Variants in PSMD12 observed in about 807,000 individuals in gnomAD.
PSMD12 encodes 26S proteasome non-ATPase regulatory subunit 12.
In PSMD12, 8 loss-of-function variants were observed where a neutral mutation model predicts 62.9. The observed-to-expected ratio is 0.13, with a 90% CI of 0.07 to 0.23. PSMD12 has a LOEUF of 0.23. Among genes scored for constraint, PSMD12 ranks in the 10% least tolerant of loss-of-function variants. The probability of loss-of-function intolerance (pLI) is 1.00; values close to 1 mark genes in which losing one functional copy is unlikely to be tolerated. For missense variants in PSMD12, 424 were observed against 550.2 expected (o/e 0.77, Z 2.29); for synonymous variants, 173 against 187.4 (o/e 0.92, Z 0.63).
At chr17:67,344,141 A>G (rs1173065737) in intron 9 of PSMD12, among the ~76,000 whole-genome samples, 1 of 152,210 alleles carries the variant, frequency 6.6e-6, no homozygotes, top group Non-Finnish European at 1.5e-5. Flanking sequence ...TGATACTAAA[A>G]AGATCAAAGT....
intron 3 of PSMD12, among the ~76,000 whole-genome samples, chr17:67,354,505 G>C (rs2042048823): frequency 6.6e-6 from 1 of 152,004 alleles, no homozygotes; most frequent in South Asian, 2.1e-4. Flanking sequence ...TGTGTGCTTT[G>C]AATTGTCCTA....
intron 8 of PSMD12, 188 bp downstream of exon 8, chr17:67,345,557 A>C: frequency 3.7e-6 from 2 of 534,684 alleles, no homozygotes; most frequent in Middle Eastern, 5.3e-4. Flanking sequence ...CAGAAGAATC[A>C]CTTGAACCCA....
At position 67,344,708 on chromosome 17, in the gene PSMD12, T is replaced by C. The variant is rs2143688784; in HGVS notation, c.981A>G (p.Glu327=). 1.2e-6 allele frequency: 2 copies of C among 1,613,848 alleles called. No individual in the cohort carries two copies. Among genetic ancestry groups the C allele is most frequent in the Non-Finnish European group, 1.7e-6 (2 of 1,179,806 alleles). Reference sequence around the variant, plus strand: ...GACTCTCAAGGGAACCTTTTCTTAATTCCATTCCATAGTCCTCAACAAGTG... The same window carrying C: ...GACTCTCAAGGGAACCTTTTCTTAACTCCATTCCATAGTCCTCAACAAGTG... ...WSTLVEDYGM[E]LRKGSLESPA... Residue 327 remains glutamate, a synonymous_variant, in exon 9 of 11, where the codon GAA becomes GAG. Coordinates refer to ENST00000356126, the MANE Select transcript of PSMD12 (RefSeq NM_002816.5).
chr17:67,357,240 C>G (rs898507353), intron 3 of PSMD12, 63 bp downstream of exon 3: 82 of 1,534,464 alleles, frequency 5.3e-5, no homozygotes, highest in Non-Finnish European at 6.9e-5. Context: ...TATAGAAGAG[C>G]TTGTGAAAAG....
At chr17:67,352,322 T>C (rs1717725317) in intron 3 of PSMD12, among the ~76,000 whole-genome samples, 1 of 152,146 alleles carries the variant, frequency 6.6e-6, no homozygotes, top group South Asian at 2.1e-4. Flanking sequence ...GTGCACCTAC[T>C]GTTTAACTTC....
At chr17:67,342,415 A>T (rs2041923608) in intron 9 of PSMD12, 152 bp from the exon 10 acceptor site, 1 of 532,996 alleles carries the variant, frequency 1.9e-6, no homozygotes, top group Non-Finnish European at 3.3e-6. Context: ...AGCTAGTTCT[A>T]AGTTTCAATA....
At chr17:67,354,904 T>C (rs1265559539) in intron 3 of PSMD12, among the ~76,000 whole-genome samples, 2 of 151,726 alleles carry the variant, frequency 1.3e-5, no homozygotes, top group African/African-American at 4.8e-5. Context: ...GCAGAAGAAG[T>C]GCATAAACCC....
Position 67,347,031 on chromosome 17 carries a change from T to G in PSMD12, c.795+85A>C, listed in dbSNP as rs181184407. ...AGCACCATACAATTGCATCTAACTA[T>G]TGCAGTTAAAAAGATTTGAAAATAA... On this transcript the variant is annotated intron_variant, in intron 7 of 10. Coordinates refer to ENST00000356126, the MANE Select transcript of PSMD12 (RefSeq NM_002816.5). 3 of 1,353,564 alleles carry G rather than the reference T, an allele frequency of 2.2e-6. No individual in the cohort carries two copies. The African/African-American group carries it at 4.4e-5, about 20-fold the overall frequency. 83.8% of individuals were successfully genotyped at this position (1,353,564 alleles called of 1,614,324 possible).
intron 6 of PSMD12, 36 bp from the exon 7 acceptor site, chr17:67,347,286 G>A (rs1269980598): frequency 3.0e-5 from 48 of 1,612,002 alleles, no homozygotes; most frequent in Non-Finnish European, 4.1e-5. Flanking sequence ...TGGGGTTTAT[G>A]GGTTTTATTC....
chr17:67,353,149 G>A (rs560869529), intron 3 of PSMD12, among the ~76,000 whole-genome samples: 7 of 152,122 alleles, frequency 4.6e-5, no homozygotes, highest in Non-Finnish European at 1.0e-4. Context: ...CTAATAATAA[G>A]TGAACGTCTT....
At chr17:67,358,288 C>G (rs1333953009) in intron 1 of PSMD12, among the ~76,000 whole-genome samples, 1 of 151,898 alleles carries the variant, frequency 6.6e-6, no homozygotes, top group Non-Finnish European at 1.5e-5. Flanking sequence ...AAAACAGAGG[C>G]CAGGTGCAGT....
chr17:67,339,507 G>A lies in PSMD12; in HGVS notation c.*1336C>T, dbSNP rs1312371616. On this transcript the variant is annotated 3_prime_UTR_variant, in exon 11 of 11. Transcript: ENST00000356126. Reference sequence around the variant, plus strand: ...AAATCAGATTACTTCAGTACTGTATGTCATTATTCACAATGACTCACAGGA... The same window carrying A: ...AAATCAGATTACTTCAGTACTGTATATCATTATTCACAATGACTCACAGGA... The A allele has an allele frequency of 1.3e-5, 2 of 152,150 alleles. No homozygotes were observed. Among genetic ancestry groups the A allele is most frequent in the African/African-American group, 4.8e-5 (2 of 41,432 alleles). The allele number at this position is 152,150 out of a possible 1,614,324, so 9.4% of individuals were successfully genotyped here. A position where few individuals can be genotyped will look rare whatever the true frequency, so the allele number is the denominator to read the frequency against.
chr17:67,355,469 A>G (rs1451827675), intron 3 of PSMD12: 1 of 152,226 alleles, frequency 6.6e-6, no homozygotes, highest in Non-Finnish European at 1.5e-5. Flanking sequence ...GACTTCTGCA[A>G]AAAATAATTT....
rs571105612 is a variant in PSMD12 at position 67,365,512 on chromosome 17, G to A, written c.108+900C>T. ...CAGTTATTGTTATCTGTCTGGCATT[G>A]GAGGCGGCTGAGTTTTCCCACCCTT... On this transcript the variant is annotated intron_variant, in intron 1 of 10. Coordinates refer to ENST00000356126, the MANE Select transcript of PSMD12 (RefSeq NM_002816.5). Among the ~76,000 whole-genome samples, 176 of 152,292 alleles carry A rather than the reference G, an allele frequency of 1.2e-3. 1 individual carries two copies. The highest frequency in any genetic ancestry group is 1.8e-3 in the Non-Finnish European group (122 of 68,016).
intron 3 of PSMD12, among the ~76,000 whole-genome samples, chr17:67,356,881 T>C (rs1391998208): frequency 6.6e-6 from 1 of 151,760 alleles, no homozygotes; most frequent in Non-Finnish European, 1.5e-5. Flanking sequence ...TGTGGCGGCA[T>C]GCGCTTACAG....
chr17:67,366,420 G>A lies in PSMD12; in HGVS notation c.100C>T (p.Leu34=). Residue 34 remains leucine, a synonymous_variant, in exon 1 of 11, where the codon CTA becomes TTA. Coordinates refer to ENST00000356126, the MANE Select transcript of PSMD12 (RefSeq NM_002816.5). ...VDQRLPECAK[L]AKEGRLQEVI... ...AGCCGGCCTCTCCTCACCTTGGCTA[G>A]CTTCGCACACTCGGGTAGGCGCTGA... is the stretch of plus-strand genomic sequence containing the variant. 1 of 1,611,334 alleles carries A rather than the reference G, an allele frequency of 6.2e-7. No homozygotes were observed. Among genetic ancestry groups the A allele is most frequent in the Non-Finnish European group, 8.5e-7 (1 of 1,178,480 alleles).
intron 3 of PSMD12, chr17:67,355,340 C>T (rs1042983807): frequency 2.0e-5 from 3 of 152,292 alleles, no homozygotes; most frequent in African/African-American, 7.2e-5. Context: ...AATCCACCCA[C>T]CTTGGCCTCC....
chr17:67,358,395 T>A (rs77604694), intron 1 of PSMD12, among the ~76,000 whole-genome samples: 1 of 151,516 alleles, frequency 6.6e-6, no homozygotes, highest in Non-Finnish European at 1.5e-5. Context: ...TGGCGAAACC[T>A]GTCTCTACAA....
At position 67,338,890 on chromosome 17, in the gene PSMD12, A is replaced by G. The variant is rs919633397; in HGVS notation, c.*1953T>C. ...AAAAATAAAGAGGAGGAACACTTGCAATCTCTATAGCAACCTATTTGGCCA... is the reference window on the plus strand; with the variant it reads ...AAAAATAAAGAGGAGGAACACTTGCGATCTCTATAGCAACCTATTTGGCCA... On this transcript the variant is annotated 3_prime_UTR_variant, in exon 11 of 11. Coordinates refer to ENST00000356126, the MANE Select transcript of PSMD12 (RefSeq NM_002816.5). The G allele has an allele frequency of 6.6e-6, 1 of 152,192 alleles. No individual in the cohort carries two copies. Among genetic ancestry groups the G allele is most frequent in the Non-Finnish European group, 1.5e-5 (1 of 68,032 alleles). The allele number at this position is 152,192 out of a possible 1,614,324, so 9.4% of individuals were successfully genotyped here. A position where few individuals can be genotyped will look rare whatever the true frequency, so the allele number is the denominator to read the frequency against.
Sources: gnomAD v4.1 joint callset for allele counts (sites outside exome capture counted in the v4.1 genomes callset) on GRCh38, gnomAD v4.1.1 for gene constraint, MANE v1.5 for transcripts, NCBI Gene and HGNC (gene_info 2026-07-23, HGNC 2026-07-21) for gene names.